Variants in KANK1 observed in about 807,000 individuals in gnomAD.
The protein encoded by KANK1 is KN motif and ankyrin repeat domains 1.
Under a neutral mutation model 106.2 loss-of-function variants are expected in KANK1, and 109 were observed. That is an observed-to-expected ratio of 1.03 (90% confidence interval 0.88 to 1.20). The LOEUF (loss-of-function observed/expected upper bound fraction) is 1.20, where lower values mean the gene tolerates loss of function less well. Ranked by LOEUF, KANK1 falls within the 50% of genes most tolerant of loss-of-function variation. KANK1 has a pLI of 0.00. For missense variants in KANK1, 2,399 were observed against 1,710.7 expected (o/e 1.40, Z -7.10); for synonymous variants, 873 against 652.2 (o/e 1.34, Z -5.16).
At chr9:513,010 G>A (rs902687525) in intron 1 of KANK1, among the ~76,000 whole-genome samples, 1 of 152,232 alleles carries the variant, frequency 6.6e-6, no homozygotes, top group Non-Finnish European at 1.5e-5. Flanking sequence ...GAAGGGTATG[G>A]TGTTGGGGAG....
intron 1 of KANK1, among the ~76,000 whole-genome samples, chr9:583,639 T>C (rs1822721833): frequency 1.3e-5 from 2 of 151,412 alleles, no homozygotes; most frequent in Non-Finnish European, 2.9e-5. Context: ...TCAATAAATA[T>C]ACTGTTTTCT....
chr9:698,173 C>A (rs1011792680), intron 2 of KANK1, among the ~76,000 whole-genome samples: 1 of 152,168 alleles, frequency 6.6e-6, no homozygotes, highest in Non-Finnish European at 1.5e-5. Flanking sequence ...GCGTGCTGCC[C>A]GCCTTTCTCT....
chr9:684,461 C>G (rs1588893107), intron 2 of KANK1: 2 of 985,256 alleles, frequency 2.0e-6, no homozygotes, highest in South Asian at 4.7e-5. Flanking sequence ...GTTAAGAACT[C>G]GAGCTGTTGC....
At chr9:631,282 A>T (rs973872888) in intron 1 of KANK1, among the ~76,000 whole-genome samples, 1 of 152,178 alleles carries the variant, frequency 6.6e-6, no homozygotes, top group Non-Finnish European at 1.5e-5. Flanking sequence ...CCCACACGGA[A>T]AAAGAAATGC....
chr9:579,881 C>T (rs1310083258), intron 1 of KANK1, among the ~76,000 whole-genome samples: 1 of 152,154 alleles, frequency 6.6e-6, no homozygotes, highest in Non-Finnish European at 1.5e-5. Flanking sequence ...GACAGTGAAT[C>T]AGTCCTGGAT....
intron 1 of KANK1, among the ~76,000 whole-genome samples, chr9:521,824 T>G (rs751194517): frequency 1.3e-5 from 2 of 151,680 alleles, no homozygotes; most frequent in African/African-American, 2.4e-5. Flanking sequence ...CACCTCAGCC[T>G]GCCAAAGTGC....
At chr9:739,527 A>G (rs1834783633) in intron 8 of KANK1, among the ~76,000 whole-genome samples, 1 of 152,180 alleles carries the variant, frequency 6.6e-6, no homozygotes, top group African/African-American at 2.4e-5. Flanking sequence ...TCCATCTTAC[A>G]GGAAGGAATT....
chr9:638,658 A>G (rs1003681967), intron 1 of KANK1, among the ~76,000 whole-genome samples: 1 of 152,206 alleles, frequency 6.6e-6, no homozygotes, highest in East Asian at 1.9e-4. Flanking sequence ...TTGAGTTTCC[A>G]TTCTTTTGAG....
At chr9:574,637 C>A (rs567906522) in intron 1 of KANK1, among the ~76,000 whole-genome samples, 1 of 151,644 alleles carries the variant, frequency 6.6e-6, no homozygotes, top group African/African-American at 2.4e-5. Flanking sequence ...CGGGTGGATC[C>A]TGAGGTGAGG....
chr9:691,206 G>A (rs1473690643), intron 2 of KANK1, among the ~76,000 whole-genome samples: 1 of 152,120 alleles, frequency 6.6e-6, no homozygotes, highest in Non-Finnish European at 1.5e-5. Context: ...AACACCCATA[G>A]GGTCAGATAC....
intron 3 of KANK1, among the ~76,000 whole-genome samples, chr9:726,789 G>A (rs185660038): frequency 2.8e-4 from 43 of 151,324 alleles, no homozygotes; most frequent in African/African-American, 9.0e-4. Context: ...GTAAAACCCC[G>A]TCTCTACTAA....
chr9:523,592 T>A (rs901112191), intron 1 of KANK1, among the ~76,000 whole-genome samples: 1 of 151,798 alleles, frequency 6.6e-6, no homozygotes, highest in Admixed American at 6.6e-5. Context: ...GGTCCCTTGT[T>A]ATTCTGTAGC....
At chr9:488,287 CAAA>C (rs374295483) in intron 3 of KANK1, among the ~76,000 whole-genome samples, 3,129 of 152,100 alleles carry the variant, frequency 0.021, 65 homozygotes, top group Middle Eastern at 0.061. Flanking sequence ...ATGTGTGGCT[CAAA>C]GAGGAGAGGA....
In KANK1 at chr9:732,462, T is replaced by C; in HGVS notation, c.3090T>C (p.Tyr1030=). ...ATGACGAGTGTGATGTCATTGAGTA[T>C]CCTCTTGAAGAAGAGGAGGAGGAGG... The part of the protein sequence containing the change: ...ESDDECDVIE[Y]PLEEEEEEED... The change falls in exon 6 of 12, where the codon TAT becomes TAC. Residue 1030 remains tyrosine (Y), a synonymous_variant. Coordinates refer to ENST00000382297, the MANE Select transcript of KANK1 (RefSeq NM_015158.5). 1 of 1,614,088 alleles carries C rather than the reference T, an allele frequency of 6.2e-7. No homozygotes were observed. Among genetic ancestry groups the C allele is most frequent in the South Asian group, 1.1e-5 (1 of 91,074 alleles).
At chr9:730,341 C>G in intron 4 of KANK1, 93 bp downstream of exon 4, 1 of 1,276,116 alleles carries the variant, frequency 7.8e-7, no homozygotes, top group Non-Finnish European at 1.1e-6. Context: ...TTTAAATTGA[C>G]CTGGAAGAAA....
chr9:726,769 G>C (rs960543902), intron 3 of KANK1, among the ~76,000 whole-genome samples: 1 of 151,408 alleles, frequency 6.6e-6, no homozygotes, highest in Admixed American at 6.6e-5. Flanking sequence ...AGACCAGCCT[G>C]GCCAACATGG....
At chr9:525,708 A>G (rs2059759697) in intron 1 of KANK1, among the ~76,000 whole-genome samples, 1 of 151,568 alleles carries the variant, frequency 6.6e-6, no homozygotes, top group South Asian at 2.1e-4. Flanking sequence ...CAATGGCTCT[A>G]ATAAGTGTTG....
chr9:484,449 GT>G (rs2058257829), intron 3 of KANK1: 1 of 152,218 alleles, frequency 6.6e-6, no homozygotes, highest in Non-Finnish European at 1.5e-5. Context: ...GTCTGCTTTT[GT>G]TGTGATTTTG....
chr9:670,949 G>GTTTTTTTTTTT (rs5895857), intron 1 of KANK1, among the ~76,000 whole-genome samples: 3 of 103,110 alleles, frequency 2.9e-5, no homozygotes, highest in African/African-American at 9.9e-5. Context: ...GTCTGCTGGA[G>GTTTTTTTTTTT]TTTTTTTTTT....
Sources: gnomAD v4.1 joint callset for allele counts (sites outside exome capture counted in the v4.1 genomes callset) on GRCh38, gnomAD v4.1.1 for gene constraint, MANE v1.5 for transcripts, NCBI Gene and HGNC (gene_info 2026-07-23, HGNC 2026-07-21) for gene names.